The following TMEM11 variants were observed in gnomAD, a reference collection of about 807,000 sequenced individuals.
The protein encoded by TMEM11 is transmembrane protein 11.
TMEM11 carries 1 observed loss-of-function variant against 17.0 expected under a neutral mutation model. That is an observed-to-expected ratio of 0.06 (90% CI 0.02 to 0.28). The LOEUF is 0.28. Ranked by LOEUF, TMEM11 falls within the 10% of genes least tolerant of loss-of-function variation. TMEM11 has a pLI of 1.00. For synonymous variants in TMEM11, 122 were observed against 118.1 expected, an observed-to-expected ratio of 1.03 and a Z score of -0.21; for missense variants, 172 against 252.9, an observed-to-expected ratio of 0.68 and a Z score of 2.17.
intron 1 of TMEM11, among the ~76,000 whole-genome samples, chr17:21,204,078 G>C (rs1450898362): frequency 7.0e-6 from 1 of 142,308 alleles, no homozygotes; most frequent in Non-Finnish European, 1.5e-5. Flanking sequence ...TTTCATTGCA[G>C]GTGTGAAATG....
At chr17:21,200,104 C>T (rs573933848) in intron 1 of TMEM11, among the ~76,000 whole-genome samples, 5 of 152,224 alleles carry the variant, frequency 3.3e-5, no homozygotes, top group South Asian at 2.1e-4. Flanking sequence ...ATCCACCACA[C>T]GGAACGCTCA....
intron 1 of TMEM11, among the ~76,000 whole-genome samples, chr17:21,212,154 GCAAA>G (rs1453398075): frequency 2.0e-5 from 3 of 152,224 alleles, no homozygotes; most frequent in African/African-American, 7.2e-5. Context: ...TACAGCAAGA[GCAAA>G]CAGACAGGTA....
chr17:21,214,063 C>T (rs1403929517), intron 1 of TMEM11, 28 bp downstream of exon 1: 7 of 1,602,334 alleles, frequency 4.4e-6, no homozygotes, highest in East Asian at 4.5e-5. Flanking sequence ...GCCGCCTGCA[C>T]TGGGGGCAAC....
intron 1 of TMEM11, among the ~76,000 whole-genome samples, chr17:21,208,698 C>A (rs968587610): frequency 2.0e-5 from 3 of 152,170 alleles, no homozygotes; most frequent in Non-Finnish European, 2.9e-5. Context: ...TGGAGTGGGG[C>A]CCGGGCTCAC....
Position 21,198,383 on chromosome 17 carries a change from T to A in TMEM11, c.520A>T (p.Ile174Leu). The A allele has an allele frequency of 6.2e-7, 1 of 1,614,218 alleles. No homozygotes were observed. The highest frequency in any genetic ancestry group is 8.5e-7 in the Non-Finnish European group (1 of 1,180,038). The change falls in exon 2 of 2, where the codon ATA becomes TTA. Residue 174 changes from isoleucine (I) to leucine (L), a missense_variant. Transcript: ENST00000317635. This position sits in a 1 kb window ranked among gnomAD's most constrained non-coding sequence, Gnocchi z 6.5. ...DLHRKRLHNT[I>L]ALAALVYCVK... Reference sequence around the variant, plus strand: ...CAGTACACCAGGGCGGCCAGTGCTATCGTGTTGTGCAGTCTCTTTCTGTGC... The same window carrying A: ...CAGTACACCAGGGCGGCCAGTGCTAACGTGTTGTGCAGTCTCTTTCTGTGC...
chr17:21,200,031 C>A (rs2144287777), intron 1 of TMEM11, among the ~76,000 whole-genome samples: 1 of 152,348 alleles, frequency 6.6e-6, no homozygotes, highest in African/African-American at 2.4e-5. Flanking sequence ...ACGGAGACCA[C>A]ACAAGGGGCT....
chr17:21,211,981 A>C (rs2144313286), intron 1 of TMEM11, among the ~76,000 whole-genome samples: 1 of 152,190 alleles, frequency 6.6e-6, no homozygotes, highest in South Asian at 2.1e-4. Context: ...GCCCTGCCCC[A>C]CCTGAACAGT....
chr17:21,209,214 G>T (rs1453822771), intron 1 of TMEM11, among the ~76,000 whole-genome samples: 2 of 152,234 alleles, frequency 1.3e-5, no homozygotes, highest in Non-Finnish European at 2.9e-5. Context: ...TCTATCTGGG[G>T]AGCAGGAACA....
At chr17:21,209,685 T>C (rs1974981830) in intron 1 of TMEM11, among the ~76,000 whole-genome samples, 1 of 152,002 alleles carries the variant, frequency 6.6e-6, no homozygotes, top group Non-Finnish European at 1.5e-5. Context: ...GGGAGAATGG[T>C]TTGAGCCAGG....
chr17:21,207,167 G>C (rs1974950908), intron 1 of TMEM11, among the ~76,000 whole-genome samples: 1 of 152,176 alleles, frequency 6.6e-6, no homozygotes, highest in South Asian at 2.1e-4. Flanking sequence ...CCATCATGCT[G>C]TGGCATGTTT....
intron 1 of TMEM11, among the ~76,000 whole-genome samples, chr17:21,210,336 C>T (rs1171000602): frequency 2.0e-5 from 3 of 152,218 alleles, no homozygotes; most frequent in Non-Finnish European, 2.9e-5. Flanking sequence ...GAACATGTGG[C>T]TTTGCCTTTG....
intron 1 of TMEM11, among the ~76,000 whole-genome samples, chr17:21,200,967 G>T (rs767123777): frequency 6.6e-6 from 1 of 152,218 alleles, no homozygotes; most frequent in Admixed American, 6.5e-5. Context: ...AAAGATGGGA[G>T]CAATTCCAAG....
intron 1 of TMEM11, among the ~76,000 whole-genome samples, chr17:21,199,754 C>T (rs980667793): frequency 4.6e-5 from 7 of 152,172 alleles, no homozygotes; most frequent in African/African-American, 1.2e-4. Flanking sequence ...CTTCCTGGGC[C>T]GGCAGCAGCC....
intron 1 of TMEM11, among the ~76,000 whole-genome samples, chr17:21,199,328 G>GAA (rs58031189): frequency 1.1e-4 from 9 of 78,294 alleles, no homozygotes; most frequent in East Asian, 4.1e-4. Flanking sequence ...CTCAGTCTCA[G>GAA]AAAAAAAAAA....
intron 1 of TMEM11, among the ~76,000 whole-genome samples, chr17:21,209,175 A>T (rs1282716829): frequency 6.6e-6 from 1 of 152,242 alleles, no homozygotes; most frequent in Non-Finnish European, 1.5e-5. Flanking sequence ...ACACTTTCCT[A>T]TTCTGCGCAC....
intron 1 of TMEM11, among the ~76,000 whole-genome samples, chr17:21,203,228 G>A (rs1008222333): frequency 1.3e-5 from 2 of 152,164 alleles, no homozygotes; most frequent in African/African-American, 2.4e-5. Context: ...ACACACAGAC[G>A]CACCCAAAGC....
chr17:21,202,501 A>T (rs1266355638), intron 1 of TMEM11, among the ~76,000 whole-genome samples: 1 of 152,092 alleles, frequency 6.6e-6, no homozygotes, highest in Non-Finnish European at 1.5e-5. Context: ...TCCAGTGGAA[A>T]CCCCGGTCCT....
chr17:21,206,401 T>G (rs1383031996), intron 1 of TMEM11, among the ~76,000 whole-genome samples: 1 of 152,078 alleles, frequency 6.6e-6, no homozygotes, highest in Non-Finnish European at 1.5e-5. Flanking sequence ...TTTGTATTTT[T>G]AGTAGAGACA....
At chr17:21,209,859 T>C (rs1320805821) in intron 1 of TMEM11, among the ~76,000 whole-genome samples, 2 of 152,218 alleles carry the variant, frequency 1.3e-5, no homozygotes, top group African/African-American at 2.4e-5. Flanking sequence ...GCCAGGAGTC[T>C]GTCATGCCAG....
Sources: gnomAD v4.1 joint callset for allele counts (sites outside exome capture counted in the v4.1 genomes callset) on GRCh38, gnomAD v4.1.1 for gene constraint, Gnocchi (gnomAD v3.1) non-coding constraint, MANE v1.5 for transcripts, NCBI Gene and HGNC (gene_info 2026-07-23, HGNC 2026-07-21) for gene names.